ZNF148: variants seen among roughly 807,000 people sequenced by gnomAD.
ZNF148 encodes zinc finger protein 148, also known as Beta-Enolase Repressor Factor-1.
In ZNF148, 7 loss-of-function variants were observed where a neutral mutation model predicts 67.7. The ratio of observed to expected loss-of-function variants is 0.10; its 90% confidence interval spans 0.06 to 0.19. The LOEUF (loss-of-function observed/expected upper bound fraction) is 0.19. Ranked by LOEUF, ZNF148 falls within the 10% of genes least tolerant of loss-of-function variation. The probability of loss-of-function intolerance (pLI) is 1.00; values close to 1 mark genes in which losing one functional copy is unlikely to be tolerated. For synonymous variants in ZNF148, 333 were observed against 330.7 expected (o/e 1.01, Z -0.08); for missense variants, 583 against 947.1 (o/e 0.62, Z 5.05).
At chr3:125,339,043 CGTTGTT>C (rs573291262) in intron 1 of ZNF148, 1 of 152,044 alleles carries the variant, frequency 6.6e-6, no homozygotes, top group Admixed American at 6.6e-5. Context: ...CCAGTGATTC[CGTTGTT>C]GTTGTTGTTA....
intron 1 of ZNF148, chr3:125,338,766 A>G (rs1941601685): frequency 1.3e-5 from 2 of 151,948 alleles, no homozygotes; most frequent in African/African-American, 4.8e-5. Flanking sequence ...AAAAACTTGT[A>G]AGTGGGCCAC....
At chr3:125,284,482 T>TA (rs1035436608) in intron 5 of ZNF148, among the ~76,000 whole-genome samples, 1 of 152,120 alleles carries the variant, frequency 6.6e-6, no homozygotes, top group Non-Finnish European at 1.5e-5. Flanking sequence ...GTATAACACT[T>TA]AAAGTCTAGC....
intron 1 of ZNF148, chr3:125,344,227 C>A (rs935793867): frequency 5.8e-6 from 2 of 343,562 alleles, no homozygotes; most frequent in Non-Finnish European, 1.1e-5. Flanking sequence ...TTTAGTAGAA[C>A]CTGATATCAA....
chr3:125,279,097 A>G (rs756938735), intron 6 of ZNF148, 27 bp downstream of exon 6: 86 of 1,577,706 alleles, frequency 5.5e-5, no homozygotes, highest in Non-Finnish European at 1.3e-5. Context: ...TTTAATGGCC[A>G]CAAGCCCATT....
chr3:125,283,720 G>A (rs2066042), intron 5 of ZNF148, among the ~76,000 whole-genome samples: 118,084 of 152,010 alleles, frequency 0.78, 46,462 homozygotes, highest in African/African-American at 0.87. Flanking sequence ...AGAAAGCATG[G>A]CAAATGTCTG....
intron 7 of ZNF148, among the ~76,000 whole-genome samples, chr3:125,267,705 A>T (rs569055952): frequency 6.6e-6 from 1 of 152,326 alleles, no homozygotes; most frequent in African/African-American, 2.4e-5. Context: ...CCTCTTCAAC[A>T]TAGTACTGGA....
chr3:125,334,923 C>T (rs925709589), intron 1 of ZNF148, among the ~76,000 whole-genome samples: 2 of 152,188 alleles, frequency 1.3e-5, no homozygotes, highest in Admixed American at 1.3e-4. Context: ...GCAGAATCTA[C>T]TGCACTGGCT....
chr3:125,372,222 T>C (rs1942914728), intron 1 of ZNF148, among the ~76,000 whole-genome samples: 1 of 152,206 alleles, frequency 6.6e-6, no homozygotes, highest in East Asian at 1.9e-4. Context: ...CAAACTTCTC[T>C]TTATCATCTC....
chr3:125,249,685 C>A (rs985329016), intron 7 of ZNF148, among the ~76,000 whole-genome samples: 1 of 152,006 alleles, frequency 6.6e-6, no homozygotes, highest in Non-Finnish European at 1.5e-5. Context: ...GGCTATATAT[C>A]CAAAGGAACT....
In ZNF148 at chr3:125,251,890, T is replaced by C. The variant is rs1010737776; in HGVS notation, c.668-17561A>G. Among the ~76,000 whole-genome samples the C allele has an allele frequency of 2.0e-5, 3 of 152,232 alleles. No individual in the cohort carries two copies. The South Asian group carries it at 6.2e-4, about 32-fold the overall frequency. On this transcript the variant is annotated intron_variant, in intron 7 of 8. Coordinates refer to ENST00000360647, the MANE Select transcript of ZNF148 (RefSeq NM_021964.3). Reference sequence around the variant, plus strand: ...CAGATTACCGAAGTGGATGCACCAATTTACAGACTTGCCAGCAGTATGAGA... The same window carrying C: ...CAGATTACCGAAGTGGATGCACCAACTTACAGACTTGCCAGCAGTATGAGA...
chr3:125,323,744 A>C (rs1444146798), intron 2 of ZNF148, among the ~76,000 whole-genome samples: 15 of 152,082 alleles, frequency 9.9e-5, no homozygotes, highest in Admixed American at 9.8e-4. Flanking sequence ...GCGGATCACG[A>C]GGTCAGGAGA....
chr3:125,348,638 T>C (rs1033289568), intron 1 of ZNF148, among the ~76,000 whole-genome samples: 1 of 152,190 alleles, frequency 6.6e-6, no homozygotes, highest in Non-Finnish European at 1.5e-5. Context: ...CCCATGTTCA[T>C]GGATTAGAAG....
chr3:125,374,038 T>C (rs1363542407), intron 1 of ZNF148, among the ~76,000 whole-genome samples: 1 of 152,168 alleles, frequency 6.6e-6, no homozygotes, highest in Admixed American at 6.5e-5. Flanking sequence ...CTCGGGTAAG[T>C]GTTAATACTT....
rs1158167448 is a variant in ZNF148 at position 125,351,380 on chromosome 3, C to CAAAAAAA, written c.-233-20149_-233-20143dup. 3.3e-4 allele frequency among the ~76,000 whole-genome samples: 17 copies of CAAAAAAA among 51,332 alleles called. 3 individuals are homozygous for CAAAAAAA. Among genetic ancestry groups the CAAAAAAA allele is most frequent in the African/African-American group, 4.2e-4 (5 of 11,814 alleles). The allele number at this position is 51,332 out of a possible 152,430, so 33.7% of individuals were successfully genotyped here. On this transcript the variant is annotated intron_variant, in intron 1 of 8. Transcript: ENST00000360647. ...GGCCACAGAGTGAGACCTTGTTTCTCAAAAAAAAAAAAAAAAAAAAAAAAA... is the reference window on the plus strand; with the variant it reads ...GGCCACAGAGTGAGACCTTGTTTCTCAAAAAAAAAAAAAAAAAAAAAAAAAAAAAAAA...
intron 5 of ZNF148, among the ~76,000 whole-genome samples, chr3:125,281,571 G>A (rs1938389078): frequency 1.3e-5 from 2 of 152,156 alleles, no homozygotes; most frequent in South Asian, 4.1e-4. Flanking sequence ...AACAAATCTG[G>A]CCCAAGTTGC....
intron 2 of ZNF148, among the ~76,000 whole-genome samples, chr3:125,324,639 C>A (rs1394767664): frequency 6.6e-6 from 1 of 150,562 alleles, no homozygotes; most frequent in African/African-American, 2.5e-5. Context: ...CACTCCTTCA[C>A]AAGAAGTGTG....
At chr3:125,254,473 T>A (rs56694883) in intron 7 of ZNF148, among the ~76,000 whole-genome samples, 371 of 152,346 alleles carry the variant, frequency 2.4e-3, no homozygotes, top group African/African-American at 8.7e-3. Flanking sequence ...GATAAACACA[T>A]TATCATAGGT....
chr3:125,363,041 G>A (rs903229279), intron 1 of ZNF148, among the ~76,000 whole-genome samples: 2 of 151,898 alleles, frequency 1.3e-5, no homozygotes, highest in African/African-American at 4.8e-5. Flanking sequence ...AGCCACTGAG[G>A]GTCTCATCCC....
rs963038236 is a variant in ZNF148, at chr3:125,307,852, A to G, written c.333+5456T>C. ...TTTTTGGCAGAGATGGGGTTTCCCC[A>G]TGTTGTGCAGGCTGGTCTTGAAGTT... On this transcript the variant is annotated intron_variant, in intron 4 of 8. Transcript: ENST00000360647. Among the ~76,000 whole-genome samples, 4 of 140,904 alleles carry G rather than the reference A, an allele frequency of 2.8e-5. No homozygotes were observed. In the South Asian group the frequency reaches 6.7e-4, roughly 24 times the overall value. 92.4% of individuals were successfully genotyped at this position (140,904 alleles called of 152,430 possible). A position where few individuals can be genotyped will look rare whatever the true frequency, so the allele number is the denominator to read the frequency against.
Sources: allele counts gnomAD v4.1 joint callset (sites outside exome capture counted in the v4.1 genomes callset), GRCh38; gene constraint gnomAD v4.1.1; transcripts MANE v1.5; gene names NCBI Gene and HGNC (gene_info 2026-07-23, HGNC 2026-07-21).